KSR2: variants seen among roughly 807,000 people sequenced by gnomAD.
The protein encoded by KSR2 is kinase suppressor of ras 2.
In KSR2, 25 loss-of-function variants were observed where a neutral mutation model predicts 107.8. The observed-to-expected ratio is 0.23, with a 90% CI of 0.17 to 0.32. The LOEUF is 0.32. Ranked by LOEUF, KSR2 falls within the 10% of genes least tolerant of loss-of-function variation. KSR2 has a pLI of 1.00. For missense variants in KSR2, 887 were observed against 1,268.9 expected (o/e 0.70, Z 4.57); for synonymous variants, 480 against 507.0 (o/e 0.95, Z 0.71).
At chr12:117,629,866 C>A (rs1480408567) in intron 5 of KSR2, among the ~76,000 whole-genome samples, 2 of 152,174 alleles carry the variant, frequency 1.3e-5, no homozygotes, top group East Asian at 1.9e-4. Context: ...TCTGGCATAA[C>A]AAGAAGAGTT....
intron 4 of KSR2, among the ~76,000 whole-genome samples, chr12:117,682,369 C>T (rs569483567): frequency 6.6e-6 from 1 of 152,020 alleles, no homozygotes. Context: ...CCATGGCACA[C>T]ATTTACCTAT....
intron 5 of KSR2, among the ~76,000 whole-genome samples, chr12:117,599,394 G>A (rs769792205): frequency 7.2e-5 from 11 of 152,242 alleles, no homozygotes; most frequent in South Asian, 2.1e-4. Context: ...GATTCCTCCC[G>A]CAGAGTTGCT....
At chr12:117,788,473 T>C (rs1200115683) in intron 3 of KSR2, among the ~76,000 whole-genome samples, 4 of 152,206 alleles carry the variant, frequency 2.6e-5, no homozygotes, top group Non-Finnish European at 1.5e-5. Flanking sequence ...TGAAAAATCC[T>C]GCAGGTAGGA....
At chr12:117,726,208 A>G (rs1298254613) in intron 4 of KSR2, among the ~76,000 whole-genome samples, 2 of 152,148 alleles carry the variant, frequency 1.3e-5, no homozygotes, top group Non-Finnish European at 2.9e-5. Context: ...ATTTTTTTAA[A>G]AAGATAACCC....
chr12:117,494,297 A>AG (rs55695439), intron 14 of KSR2, among the ~76,000 whole-genome samples: 20,663 of 151,984 alleles, frequency 0.14, 2,609 homozygotes, highest in African/African-American at 0.34. Context: ...CTGCATTTAC[A>AG]CACCTACCTA....
At chr12:117,887,599 T>A (rs1894213295) in intron 1 of KSR2, among the ~76,000 whole-genome samples, 1 of 151,958 alleles carries the variant, frequency 6.6e-6, no homozygotes, top group Non-Finnish European at 1.5e-5. Context: ...CTAAAAACCC[T>A]CCCCAAAGTG....
chr12:117,939,437 G>C (rs537563342), intron 1 of KSR2, among the ~76,000 whole-genome samples: 1 of 152,286 alleles, frequency 6.6e-6, no homozygotes, highest in African/African-American at 2.4e-5. Flanking sequence ...GCTGGGTCGG[G>C]TGCGGTGGCT....
At chr12:117,824,824 T>C (rs191901061) in intron 3 of KSR2, among the ~76,000 whole-genome samples, 321 of 148,818 alleles carry the variant, frequency 2.2e-3, no homozygotes, top group Non-Finnish European at 2.4e-3. Context: ...GCCACTGCAC[T>C]TCAGCCTGGG....
chr12:117,864,250 C>A (rs1893402160), intron 1 of KSR2, among the ~76,000 whole-genome samples: 1 of 152,134 alleles, frequency 6.6e-6, no homozygotes, highest in Non-Finnish European at 1.5e-5. Context: ...TAGGTAAATA[C>A]AGAAAACTGA....
At chr12:117,639,812 T>G (rs1883278609) in intron 5 of KSR2, among the ~76,000 whole-genome samples, 1 of 151,908 alleles carries the variant, frequency 6.6e-6, no homozygotes, top group African/African-American at 2.4e-5. Context: ...AAGGGGCATT[T>G]CCCACCACAA....
chr12:117,833,132 C>A (rs1892046639), intron 3 of KSR2, among the ~76,000 whole-genome samples: 1 of 152,194 alleles, frequency 6.6e-6, no homozygotes, highest in Non-Finnish European at 1.5e-5. Flanking sequence ...AGCTGTGCGG[C>A]CTTTGCTAGG....
chr12:117,819,121 G>A (rs1368022298), intron 3 of KSR2, among the ~76,000 whole-genome samples: 3 of 152,038 alleles, frequency 2.0e-5, no homozygotes, highest in African/African-American at 7.2e-5. Flanking sequence ...GGCTAGGTCT[G>A]TACCGCCCCC....
At chr12:117,472,297 G>C (rs990060740) in intron 17 of KSR2, among the ~76,000 whole-genome samples, 1 of 152,168 alleles carries the variant, frequency 6.6e-6, no homozygotes, top group Non-Finnish European at 1.5e-5. Context: ...ATGGAGAGAG[G>C]ATTGCTCTAG....
At chr12:117,852,094 T>C (rs542070235) in intron 3 of KSR2, among the ~76,000 whole-genome samples, 10 of 152,082 alleles carry the variant, frequency 6.6e-5, no homozygotes, top group African/African-American at 2.4e-4. Flanking sequence ...ATATAAATTG[T>C]ACTGTCCATC....
At chr12:117,681,903 C>G (rs1359966430) in intron 4 of KSR2, among the ~76,000 whole-genome samples, 2 of 152,112 alleles carry the variant, frequency 1.3e-5, no homozygotes, top group East Asian at 1.9e-4. Context: ...TTTGAACTAG[C>G]AATCTCATTA....
chr12:117,951,099 G>A (rs1288885948), intron 1 of KSR2, among the ~76,000 whole-genome samples: 3 of 151,872 alleles, frequency 2.0e-5, no homozygotes, highest in Non-Finnish European at 4.4e-5. Context: ...TAGTAGAGAC[G>A]GGATTTCACT....
intron 14 of KSR2, among the ~76,000 whole-genome samples, chr12:117,506,719 T>G (rs1189228741): frequency 2.0e-5 from 3 of 152,096 alleles, no homozygotes; most frequent in Admixed American, 6.5e-5. Context: ...AAAGAGAAAT[T>G]TGGTTTGGCA....
At chr12:117,563,607 C>A (rs965774571) in intron 7 of KSR2, among the ~76,000 whole-genome samples, 1 of 152,158 alleles carries the variant, frequency 6.6e-6, no homozygotes, top group African/African-American at 2.4e-5. Context: ...CAGGTGCTAT[C>A]TTTATTATGG....
At position 117,731,435 on chromosome 12, in the gene KSR2, A is replaced by G. The variant is rs1445673747; in HGVS notation, c.986+29576T>C. ...GGGAGGTGGGGGGCAGCCCCCGCCC[A>G]GCCACCGCCCCGTCCGGGAGGTGGG... is the stretch of plus-strand genomic sequence containing the variant. On this transcript the variant is annotated intron_variant, in intron 4 of 19. Coordinates refer to ENST00000339824, the MANE Select transcript of KSR2 (RefSeq NM_173598.6). Among the ~76,000 whole-genome samples the G allele has an allele frequency of 1.2e-4, 15 of 125,416 alleles. No individual in the cohort carries two copies. The South Asian group carries it at 1.7e-3, about 14-fold the overall frequency. The allele number at this position is 125,416 out of a possible 152,430, so 82.3% of individuals were successfully genotyped here. A position where few individuals can be genotyped will look rare whatever the true frequency, so the allele number is the denominator to read the frequency against.
Sources: gnomAD v4.1 joint callset for allele counts (sites outside exome capture counted in the v4.1 genomes callset) on GRCh38, gnomAD v4.1.1 for gene constraint, MANE v1.5 for transcripts, NCBI Gene and HGNC (gene_info 2026-07-23, HGNC 2026-07-21) for gene names.